CDH13: variants seen among roughly 807,000 people sequenced by gnomAD.
CDH13 encodes the protein cadherin-13.
In CDH13, 24 loss-of-function variants were observed where a neutral mutation model predicts 63.8. That is an observed-to-expected ratio of 0.38 (90% confidence interval 0.27 to 0.53). CDH13 has a LOEUF of 0.53. Ranked by LOEUF, CDH13 falls within the 20% of genes least tolerant of loss-of-function variation. The probability of loss-of-function intolerance (pLI) is 0.85; values close to 1 mark genes in which losing one functional copy is unlikely to be tolerated. For synonymous variants in CDH13, 503 were observed against 355.3 expected (o/e 1.42, Z -4.67); for missense variants, 1,049 against 903.1 (o/e 1.16, Z -2.07).
chr16:82,768,577 A>C (rs1410380668), intron 1 of CDH13, among the ~76,000 whole-genome samples: 1 of 152,202 alleles, frequency 6.6e-6, no homozygotes, highest in African/African-American at 2.4e-5. Context: ...TATAGCCTTG[A>C]TCTCTCTTCT....
chr16:83,791,264 A>G (rs1470600326), intron 13 of CDH13, among the ~76,000 whole-genome samples: 3 of 152,224 alleles, frequency 2.0e-5, no homozygotes, highest in Admixed American at 2.0e-4. Context: ...TCGGAAGCCT[A>G]GGTGGGCCGA....
At chr16:83,380,213 A>C (rs940174431) in intron 6 of CDH13, among the ~76,000 whole-genome samples, 1 of 152,102 alleles carries the variant, frequency 6.6e-6, no homozygotes. Context: ...GTAATATTTT[A>C]TTTCTTTTAA....
At chr16:83,580,932 G>A (rs1905536951) in intron 7 of CDH13, among the ~76,000 whole-genome samples, 1 of 152,176 alleles carries the variant, frequency 6.6e-6, no homozygotes, top group Non-Finnish European at 1.5e-5. Flanking sequence ...GCAATACTTA[G>A]CATCTTTGTT....
At chr16:83,220,251 A>C (rs2039657950) in intron 5 of CDH13, among the ~76,000 whole-genome samples, 1 of 152,178 alleles carries the variant, frequency 6.6e-6, no homozygotes. Context: ...AAGAGCCCCG[A>C]TCATTCTGCG....
intron 2 of CDH13, among the ~76,000 whole-genome samples, chr16:82,997,085 G>A (rs1186134361): frequency 7.3e-5 from 11 of 151,000 alleles, no homozygotes; most frequent in African/African-American, 1.9e-4. Context: ...TGGTAATGAC[G>A]GTGGTGATGA....
chr16:83,508,859 C>T (rs781498969), intron 7 of CDH13, among the ~76,000 whole-genome samples: 3 of 152,204 alleles, frequency 2.0e-5, no homozygotes, highest in Non-Finnish European at 4.4e-5. Flanking sequence ...TATCTTGTAA[C>T]AGGCACAAGG....
At chr16:83,021,862 T>C (rs950960528) in intron 2 of CDH13, among the ~76,000 whole-genome samples, 1 of 152,194 alleles carries the variant, frequency 6.6e-6, no homozygotes, top group East Asian at 1.9e-4. Context: ...AATACGCATG[T>C]TCAGGAAGCA....
At chr16:83,436,710 T>G (rs1406158830) in intron 6 of CDH13, among the ~76,000 whole-genome samples, 1 of 152,218 alleles carries the variant, frequency 6.6e-6, no homozygotes. Context: ...AGTTTTCTGA[T>G]AGTAAAAAGA....
At chr16:82,741,196 G>A (rs1203062308) in intron 1 of CDH13, among the ~76,000 whole-genome samples, 2 of 152,122 alleles carry the variant, frequency 1.3e-5, no homozygotes, top group Non-Finnish European at 2.9e-5. Flanking sequence ...CATTGATATA[G>A]CTCAAACCCT....
intron 3 of CDH13, among the ~76,000 whole-genome samples, chr16:83,040,163 G>T (rs1917212778): frequency 6.6e-6 from 1 of 151,910 alleles, no homozygotes; most frequent in African/African-American, 2.4e-5. Flanking sequence ...TCTGCTCCAG[G>T]TTCCTCAGCT....
chr16:83,363,225 G>A (rs1215277207), intron 6 of CDH13, among the ~76,000 whole-genome samples: 4 of 152,204 alleles, frequency 2.6e-5, no homozygotes, highest in Non-Finnish European at 4.4e-5. Flanking sequence ...TCTAGAAGCT[G>A]GGAGATGGGT....
intron 2 of CDH13, among the ~76,000 whole-genome samples, chr16:82,971,849 T>G (rs112604104): frequency 6.6e-6 from 1 of 152,338 alleles, no homozygotes; most frequent in East Asian, 1.9e-4. Context: ...AAGTATCTTT[T>G]GAATCCCAGA....
intron 6 of CDH13, among the ~76,000 whole-genome samples, chr16:83,365,038 C>T (rs113440209): frequency 5.3e-5 from 8 of 152,092 alleles, no homozygotes; most frequent in East Asian, 3.9e-4. Context: ...ATGTAATAAA[C>T]CTACACGTTC....
intron 2 of CDH13, chr16:82,926,080 G>T (rs1403131919): frequency 6.6e-6 from 1 of 152,134 alleles, no homozygotes; most frequent in Admixed American, 6.5e-5. Flanking sequence ...AGTCTGTGCA[G>T]CTTTATCTTG....
intron 1 of CDH13, among the ~76,000 whole-genome samples, chr16:82,776,423 T>C (rs2035500821): frequency 6.6e-6 from 1 of 152,224 alleles, no homozygotes; most frequent in Non-Finnish European, 1.5e-5. Context: ...GAGTGCTTTA[T>C]TATTTTTAAT....
At chr16:82,985,917 C>T (rs1415854256) in intron 2 of CDH13, among the ~76,000 whole-genome samples, 1 of 152,126 alleles carries the variant, frequency 6.6e-6, no homozygotes, top group Non-Finnish European at 1.5e-5. Context: ...ATGTGTTGTG[C>T]CTGCCTCCCT....
chr16:83,210,852 A>G lies in CDH13; in HGVS notation c.484-6493A>G, dbSNP rs57910240. On this transcript the variant is annotated intron_variant, in intron 4 of 13. Transcript: ENST00000567109. ...TGGATTGGATTTTGGATTAAAAAAA[A>G]AAAAAGGTTACTAGAGGCCGGGCGT... Among the ~76,000 whole-genome samples, 997 of 151,984 alleles carry G rather than the reference A, an allele frequency of 6.6e-3. 12 individuals carry two copies. Among genetic ancestry groups the G allele is most frequent in the African/African-American group, 0.023 (956 of 41,492 alleles).
intron 1 of CDH13, chr16:82,727,521 T>A (rs1285815363): frequency 6.6e-6 from 1 of 152,146 alleles, no homozygotes; most frequent in Non-Finnish European, 1.5e-5. Context: ...TTAGCCGCAC[T>A]TAGAGTTAAG....
chr16:83,452,385 G>C (rs1283923365), intron 6 of CDH13, among the ~76,000 whole-genome samples: 2 of 151,874 alleles, frequency 1.3e-5, no homozygotes, highest in Admixed American at 6.6e-5. Context: ...TTGGTGCCAA[G>C]TTCTATACTA....
Sources: gnomAD v4.1 joint callset for allele counts (sites outside exome capture counted in the v4.1 genomes callset) on GRCh38, gnomAD v4.1.1 for gene constraint, MANE v1.5 for transcripts, NCBI Gene and HGNC (gene_info 2026-07-23, HGNC 2026-07-21) for gene names.